Variants in ATXN7 observed in about 807,000 individuals in gnomAD.
The protein encoded by ATXN7 is ataxin 7.
ATXN7 carries 12 observed loss-of-function variants against 70.5 expected under a neutral mutation model. The ratio of observed to expected loss-of-function variants is 0.17; its 90% CI spans 0.11 to 0.28. The LOEUF is 0.28. Among genes scored for constraint, ATXN7 ranks in the 10% least tolerant of loss-of-function variants. The pLI is 1.00. For synonymous variants in ATXN7, 498 were observed against 448.7 expected, an observed-to-expected ratio of 1.11 and a Z score of -1.39; for missense variants, 1,256 against 1,131.7, an observed-to-expected ratio of 1.11 and a Z score of -1.58.
chr3:63,912,550 C>A (rs745647019), intron 2 of ATXN7, 38 bp from the exon 3 acceptor site: 2 of 1,102,800 alleles, frequency 1.8e-6, no homozygotes, highest in Non-Finnish European at 1.1e-6. Context: ...AAACGGCCCC[C>A]GCGCGACTCT....
chr3:63,971,461 C>T (rs1045486184), intron 5 of ATXN7, among the ~76,000 whole-genome samples: 1 of 152,092 alleles, frequency 6.6e-6, no homozygotes, highest in Non-Finnish European at 1.5e-5. Flanking sequence ...TAAAAAGGAC[C>T]TGGGACTACA....
In ATXN7 at chr3:63,999,641, T is replaced by A; in HGVS notation, c.*174T>A. The A allele has an allele frequency of 8.3e-7, 1 of 1,205,882 alleles. No individual in the cohort carries two copies. The highest frequency in any genetic ancestry group is 2.5e-5 in the East Asian group (1 of 39,264). The allele number at this position is 1,205,882 out of a possible 1,614,324, so 74.7% of individuals were successfully genotyped here. A position where few individuals can be genotyped will look rare whatever the true frequency, so the allele number is the denominator to read the frequency against. The stretch of plus-strand genomic sequence containing the variant: ...TTTAACGAGGATTTCCCTGAAGCTA[T>A]GTCTCTAGCAGTGAGTACTCATAAA... On this transcript the variant is annotated 3_prime_UTR_variant, in exon 13 of 13. Transcript: ENST00000674280.
chr3:63,987,684 G>C (rs1269971862), intron 8 of ATXN7, among the ~76,000 whole-genome samples: 1 of 152,132 alleles, frequency 6.6e-6, no homozygotes. Context: ...GGTCCAAAGA[G>C]GGTTTTTCTA....
In ATXN7 at chr3:63,863,901, G is replaced by A; in HGVS notation, c.-368G>A. On this transcript the variant is annotated 5_prime_UTR_variant, in exon 1 of 13. Transcript: ENST00000674280. ...CCGGGTAAACAGCCATGGAGGAGGA[G>A]GCGGCGGCGCCCGCGGCCGCCTGCT... The A allele has an allele frequency of 5.4e-6, 6 of 1,104,686 alleles. No individual in the cohort carries two copies. Among genetic ancestry groups the A allele is most frequent in the Non-Finnish European group, 6.6e-6 (6 of 906,216 alleles). The allele number at this position is 1,104,686 out of a possible 1,614,324, so 68.4% of individuals were successfully genotyped here.
intron 4 of ATXN7, among the ~76,000 whole-genome samples, chr3:63,929,327 C>T (rs1247917882): frequency 2.8e-5 from 4 of 145,358 alleles, no homozygotes; most frequent in Non-Finnish European, 5.9e-5. Context: ...GGCTGGAGTG[C>T]AGTGGCGCCA....
At chr3:63,979,626 C>T (rs1654405981) in intron 5 of ATXN7, among the ~76,000 whole-genome samples, 2 of 152,096 alleles carry the variant, frequency 1.3e-5, no homozygotes, top group South Asian at 2.1e-4. Flanking sequence ...ACGCAAAACC[C>T]AAAAGGCAAT....
At chr3:63,953,677 C>T (rs1488609208) in intron 5 of ATXN7, among the ~76,000 whole-genome samples, 15 of 144,960 alleles carry the variant, frequency 1.0e-4, no homozygotes, top group Admixed American at 8.4e-4. Flanking sequence ...TTTTTTGAGA[C>T]GGCCTCTCTG....
At chr3:63,990,671 T>A in intron 10 of ATXN7, 67 bp from the exon 11 acceptor site, 1 of 1,611,246 alleles carries the variant, frequency 6.2e-7, no homozygotes, top group Non-Finnish European at 8.5e-7. Flanking sequence ...TCCTGAAGGA[T>A]CTAGAACCCT....
At chr3:63,913,309 A>G (rs1261752555) in intron 4 of ATXN7, 84 bp downstream of exon 4, 38 of 1,352,076 alleles carry the variant, frequency 2.8e-5, no homozygotes, top group South Asian at 1.2e-5. Flanking sequence ...ACATCAGCCC[A>G]CCATACCGAC....
Position 63,990,814 on chromosome 3 carries a change from C to T in ATXN7, c.1637C>T (p.Ala546Val). The change falls in exon 11 of 13, where the codon GCC becomes GTC. Residue 546 changes from alanine to valine, a missense_variant. Coordinates refer to ENST00000674280, the MANE Select transcript of ATXN7 (RefSeq NM_001377405.1). ...FDSRWNRLRCALNLMVEKHLN... is the reference protein window; with the variant it reads ...FDSRWNRLRCVLNLMVEKHLN... ...TCCAGGTGGAATCGACTTCGCTGCG[C>T]CCTCAACCTCATGGTGGAGAAGCAT... is the stretch of plus-strand genomic sequence containing the variant. The T allele has an allele frequency of 1.2e-6, 2 of 1,614,188 alleles. No homozygotes were observed. The highest frequency in any genetic ancestry group is 1.7e-6 in the Non-Finnish European group (2 of 1,180,030).
At chr3:63,987,246 C>T (rs1469199763) in intron 8 of ATXN7, among the ~76,000 whole-genome samples, 1 of 152,194 alleles carries the variant, frequency 6.6e-6, no homozygotes, top group East Asian at 1.9e-4. Flanking sequence ...ATACGATTTG[C>T]TTCAACCACA....
chr3:63,964,040 C>T (rs568822540), intron 5 of ATXN7, among the ~76,000 whole-genome samples: 1 of 150,946 alleles, frequency 6.6e-6, no homozygotes, highest in Non-Finnish European at 1.5e-5. Flanking sequence ...ATTTAATTTT[C>T]TAAAGCCTCT....
rs2106753578 is a variant in ATXN7 at position 63,980,235 on chromosome 3, G to GT, written c.752+69dup. 2.5e-6 allele frequency: 4 copies of GT among 1,576,046 alleles called. No homozygotes were observed. The South Asian group carries it at 4.5e-5, about 18-fold the overall frequency. ...ATGAAACTGTGTACACTAGTGGCATGTGAGAGTGCCTGTGAGTAATATAAA... is the reference window on the plus strand; with the variant it reads ...ATGAAACTGTGTACACTAGTGGCATGTTGAGAGTGCCTGTGAGTAATATAAA... On this transcript the variant is annotated intron_variant, in intron 6 of 12. Coordinates refer to ENST00000674280, the MANE Select transcript of ATXN7 (RefSeq NM_001377405.1).
intron 12 of ATXN7, 82 bp downstream of exon 12, chr3:63,996,565 T>TTGGG (rs1264688778): frequency 1.3e-6 from 2 of 1,485,106 alleles, no homozygotes; most frequent in Non-Finnish European, 1.8e-6. Flanking sequence ...ATGTGTTTGG[T>TTGGG]TGGGTTGGTT....
chr3:63,894,028 A>T (rs546919742), intron 1 of ATXN7, among the ~76,000 whole-genome samples: 1 of 152,252 alleles, frequency 6.6e-6, no homozygotes, highest in South Asian at 2.1e-4. Flanking sequence ...CCTGCTTAAG[A>T]AATTTGGGTT....
chr3:63,967,929 G>T lies in ATXN7; in HGVS notation c.500-11986G>T, dbSNP rs1048335154. On this transcript the variant is annotated intron_variant, in intron 5 of 12. Coordinates refer to ENST00000674280, the MANE Select transcript of ATXN7 (RefSeq NM_001377405.1). ...TTCTGTGAATGGAAGGTAGCAAGAC[G>T]CCTCTCCAAAGCAGCCCTTCTGCGC... The T allele has an allele frequency of 3.9e-5, 60 of 1,535,810 alleles. No homozygotes were observed. In the Admixed American group the frequency reaches 1.1e-3, roughly 29 times the overall value.
intron 7 of ATXN7, among the ~76,000 whole-genome samples, chr3:63,982,724 T>C (rs2075510515): frequency 6.6e-6 from 1 of 151,892 alleles, no homozygotes; most frequent in African/African-American, 2.4e-5. Flanking sequence ...AACAATATCT[T>C]TTCTACCATC....
chr3:63,982,312 C>G lies in ATXN7; in HGVS notation c.879C>G (p.Pro293=). ...SSLVKPGLNC[P]SIPKPTLPSP... is the part of the protein sequence containing the mutation. ...TAGTCAAGCCTGGCCTTAACTGCCC[C>G]TCAATACCAAAGCCAACCTTGCCTT... Residue 293 remains proline, a synonymous_variant, in exon 7 of 13, where the codon CCC becomes CCG. Coordinates refer to ENST00000674280, the MANE Select transcript of ATXN7 (RefSeq NM_001377405.1). 1.2e-6 allele frequency: 2 copies of G among 1,614,200 alleles called. No individual in the cohort carries two copies. Among genetic ancestry groups the G allele is most frequent in the Non-Finnish European group, 1.7e-6 (2 of 1,180,032 alleles).
In ATXN7 at chr3:63,996,165, C is replaced by G. The variant is rs758061050; in HGVS notation, c.2343C>G (p.Thr781=). The G allele has an allele frequency of 9.3e-6, 15 of 1,614,064 alleles. No individual in the cohort carries two copies. The highest frequency in any genetic ancestry group is 1.3e-5 in the Non-Finnish European group (15 of 1,180,044). The change falls in exon 12 of 13, where the codon ACC becomes ACG. Residue 781 remains threonine, a synonymous_variant. Transcript: ENST00000674280. ...RHDQSGRGPP[T]GSPAESIKRM... is the part of the protein sequence containing the mutation. ...ACCAGTCAGGGAGGGGCCCCCCCAC[C>G]GGGAGCCCTGCTGAATCCATCAAGA...
Sources: allele counts gnomAD v4.1 joint callset (sites outside exome capture counted in the v4.1 genomes callset), GRCh38; gene constraint gnomAD v4.1.1; transcripts MANE v1.5; gene names NCBI Gene and HGNC (gene_info 2026-07-23, HGNC 2026-07-21).